NSG2: variants seen among roughly 807,000 people sequenced by gnomAD.
The protein encoded by NSG2 is neuronal vesicle trafficking associated 2, also known as neuronal vesicle trafficking-associated protein 2.
In NSG2, 4 loss-of-function variants were observed where a neutral mutation model predicts 16.9. The ratio of observed to expected loss-of-function variants is 0.24; its 90% CI spans 0.12 to 0.54. The LOEUF is 0.54. Among genes scored for constraint, NSG2 ranks in the 20% least tolerant of loss-of-function variants. The probability of loss-of-function intolerance (pLI) is 0.95; values close to 1 mark genes in which losing one functional copy is unlikely to be tolerated. For synonymous variants in NSG2, 98 were observed against 88.7 expected, an observed-to-expected ratio of 1.11 and a Z score of -0.59; for missense variants, 179 against 221.1, an observed-to-expected ratio of 0.81 and a Z score of 1.21.
At chr5:174,094,834 C>T (rs1760769573) in intron 3 of NSG2, among the ~76,000 whole-genome samples, 1 of 152,118 alleles carries the variant, frequency 6.6e-6, no homozygotes, top group African/African-American at 2.4e-5. Context: ...GTGCTTTGTA[C>T]CAAAAGTGAG....
intron 3 of NSG2, among the ~76,000 whole-genome samples, chr5:174,094,599 AG>A (rs947091939): frequency 2.4e-4 from 37 of 152,218 alleles, no homozygotes; most frequent in African/African-American, 8.2e-4. Flanking sequence ...TCCAGAATGC[AG>A]GGTCCAGCTC....
At chr5:174,049,445 G>GCACA (rs200024973) in intron 2 of NSG2, among the ~76,000 whole-genome samples, 1 of 150,306 alleles carries the variant, frequency 6.7e-6, no homozygotes, top group Non-Finnish European at 1.5e-5. Context: ...ACGCGCACGT[G>GCACA]CACACACACA....
At chr5:174,054,113 A>G (rs957227608) in intron 2 of NSG2, among the ~76,000 whole-genome samples, 1 of 152,260 alleles carries the variant, frequency 6.6e-6, no homozygotes, top group Admixed American at 6.5e-5. Context: ...GCTGATCTGC[A>G]TGCGCCAGCG....
At chr5:174,063,841 C>A (rs1057326193) in intron 2 of NSG2, among the ~76,000 whole-genome samples, 1 of 151,866 alleles carries the variant, frequency 6.6e-6, no homozygotes, top group Non-Finnish European at 1.5e-5. Context: ...TATACTATGC[C>A]AAAAGGCAAA....
chr5:174,079,263 C>T (rs1432375630), intron 3 of NSG2, among the ~76,000 whole-genome samples: 7 of 143,434 alleles, frequency 4.9e-5, no homozygotes, highest in African/African-American at 1.3e-4. Flanking sequence ...CTCTCTCTCT[C>T]TTTTTTTTTT....
At chr5:174,093,184 C>T (rs1459868214) in intron 3 of NSG2, among the ~76,000 whole-genome samples, 1 of 152,096 alleles carries the variant, frequency 6.6e-6, no homozygotes, top group African/African-American at 2.4e-5. Context: ...GTACAATGGG[C>T]ACACTGATAG....
chr5:174,093,159 C>T (rs977446173), intron 3 of NSG2, among the ~76,000 whole-genome samples: 4 of 152,236 alleles, frequency 2.6e-5, no homozygotes, highest in Middle Eastern at 6.8e-3. Context: ...TTCCATCTAT[C>T]TCTGATACAA....
intron 2 of NSG2, among the ~76,000 whole-genome samples, chr5:174,057,520 G>T (rs1466597907): frequency 6.6e-6 from 1 of 152,198 alleles, no homozygotes; most frequent in Non-Finnish European, 1.5e-5. Context: ...CTAGCTGGCT[G>T]GTTGTAGTGA....
intron 2 of NSG2, among the ~76,000 whole-genome samples, chr5:174,048,472 A>T (rs1268914003): frequency 6.6e-6 from 1 of 152,236 alleles, no homozygotes; most frequent in Non-Finnish European, 1.5e-5. Flanking sequence ...TGAGTTATCC[A>T]AGCTCACAGA....
intron 3 of NSG2, among the ~76,000 whole-genome samples, chr5:174,087,732 G>A (rs1760654221): frequency 6.6e-6 from 1 of 151,844 alleles, no homozygotes; most frequent in Non-Finnish European, 1.5e-5. Flanking sequence ...AGGCTGCAGT[G>A]AGCCAAGATC....
Position 174,050,554 on chromosome 5 carries a change from C to A in NSG2, c.129+3670C>A, listed in dbSNP as rs116185947. On this transcript the variant is annotated intron_variant, in intron 2 of 4. Coordinates refer to ENST00000303177, the MANE Select transcript of NSG2 (RefSeq NM_015980.5). ...ACTTTACAGATGAAGAGTGGAAGGG[C>A]TAGGGTTGGAACCTCAGTGTACTTG... 6.7e-3 allele frequency among the ~76,000 whole-genome samples: 1,015 copies of A among 152,238 alleles called. 11 individuals carry two copies. The highest frequency in any genetic ancestry group is 0.024 in the African/African-American group (978 of 41,532).
chr5:174,083,350 C>G (rs1261408135), intron 3 of NSG2, among the ~76,000 whole-genome samples: 1 of 152,304 alleles, frequency 6.6e-6, no homozygotes, highest in East Asian at 1.9e-4. Flanking sequence ...CATTTTAGTT[C>G]TCTGGGGATC....
At chr5:174,080,882 A>G (rs1054107367) in intron 3 of NSG2, among the ~76,000 whole-genome samples, 1 of 152,152 alleles carries the variant, frequency 6.6e-6, no homozygotes, top group Non-Finnish European at 1.5e-5. Context: ...GAGATTTTCT[A>G]TCTAGAAGCA....
chr5:174,064,400 C>G, intron 3 of NSG2, 85 bp downstream of exon 3: 1 of 801,622 alleles, frequency 1.2e-6, no homozygotes, highest in South Asian at 2.0e-5. Context: ...GGAGCAAGTA[C>G]TGCTGTGGGT....
In NSG2 at chr5:174,072,016, G is replaced by A. The variant is rs1389027016; in HGVS notation, c.213+7701G>A. Among the ~76,000 whole-genome samples the A allele has an allele frequency of 1.3e-5, 2 of 152,132 alleles. No homozygotes were observed. Among genetic ancestry groups the A allele is most frequent in the Non-Finnish European group, 2.9e-5 (2 of 68,012 alleles). On this transcript the variant is annotated intron_variant, in intron 3 of 4. Coordinates refer to ENST00000303177, the MANE Select transcript of NSG2 (RefSeq NM_015980.5). The surrounding 1 kb of genome is among the most constrained non-coding windows in gnomAD (Gnocchi z 4.0). ...CTCACGTTCCCTCCAACACTAACAG[G>A]AGAAGAAGCAGGGAGAAACACAGAA...
intron 3 of NSG2, among the ~76,000 whole-genome samples, chr5:174,076,471 A>T (rs1760345433): frequency 6.6e-6 from 1 of 152,216 alleles, no homozygotes; most frequent in Non-Finnish European, 1.5e-5. Context: ...AAAAAGCTAA[A>T]TATAAATGAA....
At chr5:174,097,831 C>G (rs1214221194) in intron 3 of NSG2, among the ~76,000 whole-genome samples, 2 of 148,778 alleles carry the variant, frequency 1.3e-5, no homozygotes, top group African/African-American at 5.0e-5. Flanking sequence ...GAGTGTGTCT[C>G]TTTGTGTGTG....
chr5:174,090,438 GCACC>G (rs1477697554), intron 3 of NSG2, among the ~76,000 whole-genome samples: 1 of 152,146 alleles, frequency 6.6e-6, no homozygotes, highest in Non-Finnish European at 1.5e-5. Context: ...TGTTTGCTTA[GCACC>G]CACCCAAGTT....
intron 2 of NSG2, among the ~76,000 whole-genome samples, chr5:174,059,757 T>G: frequency 6.6e-6 from 1 of 152,228 alleles, no homozygotes; most frequent in East Asian, 1.9e-4. Flanking sequence ...CTTCTTTGTG[T>G]GCTGCCTTGT....
Sources: allele counts gnomAD v4.1 joint callset (sites outside exome capture counted in the v4.1 genomes callset), GRCh38; gene constraint gnomAD v4.1.1; non-coding constraint Gnocchi (gnomAD v3.1); transcripts MANE v1.5; gene names NCBI Gene and HGNC (gene_info 2026-07-23, HGNC 2026-07-21).